Variants in ASTN1 observed in about 807,000 individuals in gnomAD.
ASTN1 encodes the protein astrotactin-1.
Under a neutral mutation model 140.7 loss-of-function variants are expected in ASTN1, and 41 were observed. The ratio of observed to expected loss-of-function variants is 0.29; its 90% confidence interval spans 0.23 to 0.38. ASTN1 has a LOEUF of 0.38. Among genes scored for constraint, ASTN1 ranks in the 10% least tolerant of loss-of-function variants. ASTN1 has a pLI of 1.00. For synonymous variants in ASTN1, 640 were observed against 652.2 expected, an observed-to-expected ratio of 0.98 and a Z score of 0.29; for missense variants, 1,479 against 1,678.8, an observed-to-expected ratio of 0.88 and a Z score of 2.08.
chr1:177,114,257 T>C (rs973695057), intron 1 of ASTN1, among the ~76,000 whole-genome samples: 24 of 152,206 alleles, frequency 1.6e-4, no homozygotes, highest in African/African-American at 5.5e-4. Flanking sequence ...ATAAGGTTGA[T>C]GAACTGATTA....
intron 16 of ASTN1, among the ~76,000 whole-genome samples, chr1:176,901,524 G>A (rs1269987806): frequency 1.3e-5 from 2 of 152,196 alleles, no homozygotes; most frequent in African/African-American, 2.4e-5. Context: ...ATGTAGCTCC[G>A]GGAGGAAAAG....
At chr1:176,946,541 G>A (rs1671966435) in intron 12 of ASTN1, among the ~76,000 whole-genome samples, 1 of 152,184 alleles carries the variant, frequency 6.6e-6, no homozygotes, top group South Asian at 2.1e-4. Context: ...TAATAAGGCA[G>A]CAAAAGGAAT....
chr1:177,059,690 C>G (rs1677988567), intron 2 of ASTN1, among the ~76,000 whole-genome samples: 1 of 152,160 alleles, frequency 6.6e-6, no homozygotes, highest in Non-Finnish European at 1.5e-5. Flanking sequence ...GAGATTTTAT[C>G]AGAGATTTTA....
At chr1:177,161,055 T>C (rs1647331541) in intron 1 of ASTN1, among the ~76,000 whole-genome samples, 1 of 152,190 alleles carries the variant, frequency 6.6e-6, no homozygotes, top group Non-Finnish European at 1.5e-5. Context: ...AATCACAATT[T>C]GCAAACCCCA....
At chr1:177,090,388 T>C (rs1233794570) in intron 1 of ASTN1, among the ~76,000 whole-genome samples, 1 of 152,110 alleles carries the variant, frequency 6.6e-6, no homozygotes, top group Non-Finnish European at 1.5e-5. Flanking sequence ...AATAACTCCT[T>C]GGTATTGATA....
chr1:176,994,478 GA>G (rs1484643752), intron 8 of ASTN1, among the ~76,000 whole-genome samples: 3 of 152,048 alleles, frequency 2.0e-5, no homozygotes, highest in African/African-American at 7.2e-5. Flanking sequence ...CAAGTAGTTG[GA>G]ACTACAGGCT....
intron 1 of ASTN1, among the ~76,000 whole-genome samples, chr1:177,066,153 C>A (rs187626993): frequency 6.6e-6 from 1 of 152,280 alleles, no homozygotes; most frequent in African/African-American, 2.4e-5. Context: ...CAAGTCTAAC[C>A]CAAACTCCAC....
At chr1:177,041,387 T>G (rs1676965116) in intron 2 of ASTN1, among the ~76,000 whole-genome samples, 1 of 152,210 alleles carries the variant, frequency 6.6e-6, no homozygotes, top group Non-Finnish European at 1.5e-5. Context: ...GTGTGTATTA[T>G]GTACAACAGA....
At chr1:177,099,613 G>C (rs1281219282) in intron 1 of ASTN1, among the ~76,000 whole-genome samples, 2 of 152,124 alleles carry the variant, frequency 1.3e-5, no homozygotes, top group Non-Finnish European at 2.9e-5. Context: ...GATATTTGAG[G>C]TCTGGAAAAT....
At chr1:177,004,797 C>T (rs1267514607) in intron 8 of ASTN1, among the ~76,000 whole-genome samples, 1 of 152,062 alleles carries the variant, frequency 6.6e-6, no homozygotes, top group African/African-American at 2.4e-5. Context: ...AAACGGGATC[C>T]CTATCCCTCA....
chr1:177,094,914 G>A (rs1679954466), intron 1 of ASTN1, among the ~76,000 whole-genome samples: 1 of 152,100 alleles, frequency 6.6e-6, no homozygotes, highest in African/African-American at 2.4e-5. Flanking sequence ...GAGAATATTG[G>A]TATAAATACA....
chr1:177,092,660 TG>T (rs1679815172), intron 1 of ASTN1, among the ~76,000 whole-genome samples: 2 of 152,192 alleles, frequency 1.3e-5, no homozygotes, highest in South Asian at 4.1e-4. Context: ...TTGATCCATT[TG>T]GGGTTCATTT....
intron 1 of ASTN1, among the ~76,000 whole-genome samples, chr1:177,103,216 G>C (rs2102134998): frequency 6.6e-6 from 1 of 152,296 alleles, no homozygotes; most frequent in East Asian, 1.9e-4. Flanking sequence ...CAGCAGAGAA[G>C]GTTGGAAAAC....
chr1:177,063,712 T>A (rs1678212627), intron 1 of ASTN1, among the ~76,000 whole-genome samples: 1 of 151,842 alleles, frequency 6.6e-6, no homozygotes, highest in South Asian at 2.1e-4. Context: ...CCCCAAAAGC[T>A]CCTCCCAAGA....
chr1:176,947,945 A>G (rs1672024068), intron 12 of ASTN1, among the ~76,000 whole-genome samples: 1 of 152,250 alleles, frequency 6.6e-6, no homozygotes, highest in Non-Finnish European at 1.5e-5. Flanking sequence ...ATTAATTGAA[A>G]TGGGTCAACC....
In ASTN1 at chr1:177,103,261, TA is replaced by T. The variant is rs1270805396; in HGVS notation, c.284-41997del. Among the ~76,000 whole-genome samples the T allele has an allele frequency of 2.0e-5, 3 of 152,074 alleles. No homozygotes were observed. In the East Asian group the frequency reaches 5.8e-4, roughly 29 times the overall value. ...ACTCATAATGAGATGCTAAGGCAAATAGATGATGTGAAGTTATATTTGGGGA... is the reference window on the plus strand; with the variant it reads ...ACTCATAATGAGATGCTAAGGCAAATGATGATGTGAAGTTATATTTGGGGA... On this transcript the variant is annotated intron_variant, in intron 1 of 22. Coordinates refer to ENST00000361833, the MANE Select transcript of ASTN1 (RefSeq NM_004319.3).
At chr1:176,947,697 G>C (rs1418343387) in intron 12 of ASTN1, among the ~76,000 whole-genome samples, 1 of 152,154 alleles carries the variant, frequency 6.6e-6, no homozygotes, top group African/African-American at 2.4e-5. Context: ...TCTGAAGCTG[G>C]CTGGTTCCCT....
At chr1:177,092,468 G>C (rs1019275930) in intron 1 of ASTN1, among the ~76,000 whole-genome samples, 2 of 152,150 alleles carry the variant, frequency 1.3e-5, no homozygotes, top group Admixed American at 6.6e-5. Flanking sequence ...TTACTTTCCT[G>C]ATGGTGAATT....
chr1:177,150,782 G>A (rs1682998659), intron 1 of ASTN1, among the ~76,000 whole-genome samples: 1 of 151,964 alleles, frequency 6.6e-6, no homozygotes, highest in African/African-American at 2.4e-5. Context: ...TTCAGGGGTT[G>A]GCAAAATACA....
Sources: allele counts gnomAD v4.1 joint callset (sites outside exome capture counted in the v4.1 genomes callset), GRCh38; gene constraint gnomAD v4.1.1; transcripts MANE v1.5; gene names NCBI Gene and HGNC (gene_info 2026-07-23, HGNC 2026-07-21).